Variants in CIAPIN1 observed in about 807,000 individuals in gnomAD.
The protein encoded by CIAPIN1 is cytokine induced apoptosis inhibitor 1.
Under a neutral mutation model 34.3 loss-of-function variants are expected in CIAPIN1, and 18 were observed. That is an observed-to-expected ratio of 0.52 (90% confidence interval 0.36 to 0.78). CIAPIN1 has a LOEUF of 0.78. Among genes scored for constraint, CIAPIN1 ranks in the 30% least tolerant of loss-of-function variants. The pLI is 0.00. For missense variants in CIAPIN1, 310 were observed against 372.5 expected (o/e 0.83, Z 1.38); for synonymous variants, 131 against 140.4 (o/e 0.93, Z 0.47).
intron 5 of CIAPIN1, chr16:57,433,546 TGC>T (rs754501626): frequency 5.5e-5 from 10 of 181,384 alleles, no homozygotes; most frequent in East Asian, 3.0e-4. Context: ...TGTGTGTGCG[TGC>T]GCGTGCGTGC....
At chr16:57,429,539 T>C (rs531960608) in intron 8 of CIAPIN1, among the ~76,000 whole-genome samples, 1 of 152,214 alleles carries the variant, frequency 6.6e-6, no homozygotes, top group East Asian at 1.9e-4. Flanking sequence ...TCACCCAGGC[T>C]GGAGTGCAGT....
chr16:57,440,433 A>G (rs544401935), intron 2 of CIAPIN1, among the ~76,000 whole-genome samples: 6 of 152,172 alleles, frequency 3.9e-5, no homozygotes, highest in Admixed American at 3.9e-4. Flanking sequence ...TTTGAAAATC[A>G]CTAATAAAAA....
In CIAPIN1 at chr16:57,439,187, G is replaced by T; in HGVS notation, c.305C>A (p.Ala102Asp). 1 of 1,613,662 alleles carries T rather than the reference G, an allele frequency of 6.2e-7. No individual in the cohort carries two copies. The highest frequency in any genetic ancestry group is 2.2e-5 in the East Asian group (1 of 44,884). The part of the protein sequence containing the change: ...CLFLKEPVET[A>D]VDNNSKVKTA... ...CCAAGTGAAGATCTCCTTACCTACAGCTGTCTCTACTGGCTCCTTCAGAAA... is the reference window on the plus strand; with the variant it reads ...CCAAGTGAAGATCTCCTTACCTACATCTGTCTCTACTGGCTCCTTCAGAAA... The change falls in exon 3 of 9, where the codon GCT (alanine) becomes GAT (aspartate). Residue 102 changes from alanine (A) to aspartate (D), a missense_variant. By Grantham distance (126) the Ala-to-Asp change is moderately radical. Transcript: ENST00000394391.
rs775993778 is a variant in CIAPIN1 at position 57,439,342 on chromosome 16, G to C, written c.158-8C>G. 1.2e-6 allele frequency: 2 copies of C among 1,613,962 alleles called. No homozygotes were observed. Among genetic ancestry groups the C allele is most frequent in the Non-Finnish European group, 1.7e-6 (2 of 1,179,976 alleles). On this transcript the variant is annotated splice_polypyrimidine_tract_variant and splice_region_variant and intron_variant, in intron 2 of 8. Transcript: ENST00000394391. ...TGGATTCTTTGTGGGCAGCTGAAAA[G>C]AAGAGGACTCTAATTAGCAATCTCC...
At chr16:57,430,496 G>T in intron 7 of CIAPIN1, 157 bp from the exon 8 acceptor site, 2 of 648,470 alleles carry the variant, frequency 3.1e-6, no homozygotes, top group South Asian at 1.8e-5. Context: ...ATGAGAGGCT[G>T]CTGAGGGAGA....
In CIAPIN1 at chr16:57,430,258, G is replaced by C. The variant is rs759134563; in HGVS notation, c.828C>G (p.Asn276Lys). ...MSSQPKSACG[N>K]CYLGDAFRCA... ...GCTGAGGAATGATCCTGATATTTACGTTTCCACAAGCTGACTTGGGTTGGG... is the reference window on the plus strand; with the variant it reads ...GCTGAGGAATGATCCTGATATTTACCTTTCCACAAGCTGACTTGGGTTGGG... The change falls in exon 8 of 9, where the codon AAC (asparagine) becomes AAG (lysine). Residue 276 changes from asparagine to lysine, a missense_variant and splice_region_variant. Coordinates refer to ENST00000394391, the MANE Select transcript of CIAPIN1 (RefSeq NM_020313.4). 2 of 1,613,738 alleles carry C rather than the reference G, an allele frequency of 1.2e-6. No individual in the cohort carries two copies. The highest frequency in any genetic ancestry group is 2.2e-5 in the South Asian group (2 of 91,070).
chr16:57,430,901 C>G (rs558792700), intron 7 of CIAPIN1, among the ~76,000 whole-genome samples: 3 of 152,034 alleles, frequency 2.0e-5, no homozygotes, highest in African/African-American at 7.2e-5. Flanking sequence ...GGCACAATTA[C>G]GGCTCACTGC....
At chr16:57,433,417 C>T (rs1201676192) in intron 5 of CIAPIN1, among the ~76,000 whole-genome samples, 1 of 152,178 alleles carries the variant, frequency 6.6e-6, no homozygotes, top group Non-Finnish European at 1.5e-5. Flanking sequence ...ACAGTCAAAA[C>T]CGTACAAGTG....
In CIAPIN1 at chr16:57,429,141, G is replaced by A; in HGVS notation, c.*29C>T. The A allele has an allele frequency of 2.7e-6, 4 of 1,484,864 alleles. No homozygotes were observed. Among genetic ancestry groups the A allele is most frequent in the Non-Finnish European group, 3.8e-6 (4 of 1,064,080 alleles). The allele number at this position is 1,484,864 out of a possible 1,614,324, so 92.0% of individuals were successfully genotyped here. The stretch of plus-strand genomic sequence containing the variant: ...TGTGAGGGACAGGAGTTGGCTGGAG[G>A]AGCAGATGGGTCCCATGTCAGGAAC... On this transcript the variant is annotated 3_prime_UTR_variant, in exon 9 of 9. Transcript: ENST00000394391.
rs747978456 is a variant in CIAPIN1 at position 57,438,622 on chromosome 16, T to C, written c.310+560A>G. On this transcript the variant is annotated intron_variant, in intron 3 of 8. Transcript: ENST00000394391. Reference sequence around the variant, plus strand: ...TAGTTCTATGTAATTTTATTATATGTGTAGATTTGTGTAACCACCACGACA... The same window carrying C: ...TAGTTCTATGTAATTTTATTATATGCGTAGATTTGTGTAACCACCACGACA... 2.0e-5 allele frequency among the ~76,000 whole-genome samples: 3 copies of C among 152,224 alleles called. No homozygotes were observed. The East Asian group carries it at 5.8e-4, about 29-fold the overall frequency.
At chr16:57,439,768 T>C (rs111778) in intron 2 of CIAPIN1, among the ~76,000 whole-genome samples, 4,336 of 152,370 alleles carry the variant, frequency 0.028, 82 homozygotes, top group Middle Eastern at 0.071. Context: ...TGATTTCCTA[T>C]GCCTGTCTTT....
chr16:57,445,919 C>T (rs1807334590), intron 1 of CIAPIN1, among the ~76,000 whole-genome samples: 1 of 132,816 alleles, frequency 7.5e-6, no homozygotes, highest in Admixed American at 9.0e-5. Context: ...AATCTTGGCT[C>T]ACTGCAACCT....
At position 57,429,217 on chromosome 16, in the gene CIAPIN1, G is replaced by A; in HGVS notation, c.892C>T (p.Pro298Ser). 1 of 1,613,720 alleles carries A rather than the reference G, an allele frequency of 6.2e-7. No homozygotes were observed. The highest frequency in any genetic ancestry group is 1.3e-5 in the African/African-American group (1 of 75,034). ...CPYLGMPAFKPGEKVLLSDSN... is the reference protein window; with the variant it reads ...CPYLGMPAFKSGEKVLLSDSN... ...TCACTCAGAAGCACCTTTTCCCCAG[G>A]TTTGAAGGCTGGCATCCCAAGGTAG... The change falls in exon 9 of 9, where the codon CCT (proline) becomes TCT (serine). Residue 298 changes from proline to serine, a missense_variant. Pro to Ser is a moderately conservative substitution (Grantham distance 74). Transcript: ENST00000394391.
chr16:57,431,389 C>T, intron 6 of CIAPIN1, 123 bp from the exon 7 acceptor site: 1 of 589,490 alleles, frequency 1.7e-6, no homozygotes, highest in East Asian at 2.8e-5. Flanking sequence ...ACCCTGTCCT[C>T]CTTTTGGTTG....
At position 57,429,849 on chromosome 16, in the gene CIAPIN1, C is replaced by T. The variant is rs145388095; in HGVS notation, c.828+409G>A. ...TCACCCAGGCTGGAGTGCAGTGGTGCGATCTCAGCTCACTCCACCTCCCAG... is the reference window on the plus strand; with the variant it reads ...TCACCCAGGCTGGAGTGCAGTGGTGTGATCTCAGCTCACTCCACCTCCCAG... On this transcript the variant is annotated intron_variant, in intron 8 of 8. Transcript: ENST00000394391. Among the ~76,000 whole-genome samples the T allele has an allele frequency of 3.6e-3, 545 of 150,570 alleles. 4 individuals carry two copies. The highest frequency in any genetic ancestry group is 0.013 in the African/African-American group (532 of 40,998).
intron 3 of CIAPIN1, 70 bp from the exon 4 acceptor site, chr16:57,436,802 T>C (rs1903210739): frequency 1.5e-6 from 2 of 1,307,930 alleles, no homozygotes; most frequent in Admixed American, 1.8e-5. Flanking sequence ...GGCTCAATCC[T>C]ATATGGGTTC....
chr16:57,436,787 A>G, intron 3 of CIAPIN1, 55 bp from the exon 4 acceptor site: 3 of 1,468,420 alleles, frequency 2.0e-6, no homozygotes, highest in Non-Finnish European at 2.8e-6. Context: ...AGGAAAAATA[A>G]TAAAGGCTCA....
At chr16:57,429,493 C>CTT (rs375251477) in intron 8 of CIAPIN1, among the ~76,000 whole-genome samples, 3 of 148,962 alleles carry the variant, frequency 2.0e-5, no homozygotes, top group Admixed American at 6.7e-5. Flanking sequence ...GGCCATAGTT[C>CTT]TTTTTTTTTT....
intron 3 of CIAPIN1, 93 bp downstream of exon 3, chr16:57,439,089 C>T: frequency 8.0e-7 from 1 of 1,256,162 alleles, no homozygotes; most frequent in Non-Finnish European, 1.1e-6. Context: ...GAATACTGAT[C>T]TCCCAATGAT....
Sources: gnomAD v4.1 joint callset for allele counts (sites outside exome capture counted in the v4.1 genomes callset) on GRCh38, gnomAD v4.1.1 for gene constraint, MANE v1.5 for transcripts, NCBI Gene and HGNC (gene_info 2026-07-23, HGNC 2026-07-21) for gene names.